DGAT1: variants seen among roughly 807,000 people sequenced by gnomAD.
The protein encoded by DGAT1 is ACAT related gene product 1.
In DGAT1, 60 loss-of-function variants were observed where a neutral mutation model predicts 72.6. The ratio of observed to expected loss-of-function variants is 0.83; its 90% CI spans 0.67 to 1.02. DGAT1 has a LOEUF of 1.02. DGAT1 is among the 50% of genes least tolerant of loss of function. DGAT1 has a pLI of 0.00. For synonymous variants in DGAT1, 290 were observed against 267.5 expected (o/e 1.08, Z -0.82); for missense variants, 592 against 670.0 (o/e 0.88, Z 1.29).
Position 144,317,950 on chromosome 8 carries a change from G to C in DGAT1, c.819C>G (p.Ile273Met), listed in dbSNP as rs146155230. ...YELNFPRSPR[I>M]RKRFLLRRIL... ...TCCGTCGCAGCAGAAAGCGCTTCCG[G>C]ATGCGGGGAGAGCGGGGAAAGTTGA... Residue 273 changes from isoleucine to methionine, a missense_variant, in exon 9 of 17, where the codon ATC becomes ATG. By Grantham distance (10) the Ile-to-Met change is conservative. Coordinates refer to ENST00000528718, the MANE Select transcript of DGAT1 (RefSeq NM_012079.6). 7.4e-5 allele frequency: 112 copies of C among 1,519,378 alleles called. No individual in the cohort carries two copies. Among genetic ancestry groups the C allele is most frequent in the Non-Finnish European group, 9.8e-5 (111 of 1,135,882 alleles). 94.1% of individuals were successfully genotyped at this position (1,519,378 alleles called of 1,614,324 possible). A position where few individuals can be genotyped will look rare whatever the true frequency, so the allele number is the denominator to read the frequency against.
At chr8:144,317,878 T>G in intron 9 of DGAT1, 36 bp downstream of exon 9, 1 of 1,564,680 alleles carries the variant, frequency 6.4e-7, no homozygotes, top group Non-Finnish European at 8.7e-7. Context: ...GAAGGCCCCC[T>G]AGCCTCCAGT....
Position 144,326,579 on chromosome 8 carries a change from C to T in DGAT1, c.58G>A (p.Gly20Ser). 1.6e-6 allele frequency: 2 copies of T among 1,246,594 alleles called. No homozygotes were observed. Among genetic ancestry groups the T allele is most frequent in the Admixed American group, 4.2e-5 (1 of 23,848 alleles). 77.2% of individuals were successfully genotyped at this position (1,246,594 alleles called of 1,614,324 possible). A position where few individuals can be genotyped will look rare whatever the true frequency, so the allele number is the denominator to read the frequency against. ...RRTGSRPSSH[G>S]GGGPAAAEEE... ...TCCGCCGCCGCAGGCCCGCCGCCGC[C>T]GTGGCTCGAGGGCCGCGACCCTGTC... is the stretch of plus-strand genomic sequence containing the variant. The change falls in exon 1 of 17, where the codon GGC (glycine) becomes AGC (serine). Residue 20 changes from glycine (G) to serine (S), a missense_variant. Coordinates refer to ENST00000528718, the MANE Select transcript of DGAT1 (RefSeq NM_012079.6).
chr8:144,319,869 G>A lies in DGAT1; in HGVS notation c.289-801C>T, dbSNP rs1258443753. Among the ~76,000 whole-genome samples the A allele has an allele frequency of 2.6e-5, 4 of 152,312 alleles. No homozygotes were observed. In the East Asian group the frequency reaches 5.8e-4, roughly 22 times the overall value. ...AGACCTGGCTGACCACCCGGAGCTC[G>A]GGCCTCATGCGGTAGTGAACTGGTG... is the stretch of plus-strand genomic sequence containing the variant. On this transcript the variant is annotated intron_variant, in intron 2 of 16. Transcript: ENST00000528718.
chr8:144,323,495 G>A (rs782607516), intron 1 of DGAT1, among the ~76,000 whole-genome samples: 1 of 152,126 alleles, frequency 6.6e-6, no homozygotes, highest in Admixed American at 6.6e-5. Flanking sequence ...CAGTCAGTGC[G>A]GCCAGCAGCA....
At chr8:144,324,535 G>A (rs1817545522) in intron 1 of DGAT1, among the ~76,000 whole-genome samples, 1 of 152,138 alleles carries the variant, frequency 6.6e-6, no homozygotes, top group Non-Finnish European at 1.5e-5. Flanking sequence ...TCAGCCTCCA[G>A]CCCCATGAAG....
Position 144,318,366 on chromosome 8 carries a change from C to T in DGAT1, c.575-4G>A. On this transcript the variant is annotated splice_region_variant and splice_polypyrimidine_tract_variant and intron_variant, in intron 6 of 16. Coordinates refer to ENST00000528718, the MANE Select transcript of DGAT1 (RefSeq NM_012079.6). The stretch of plus-strand genomic sequence containing the variant: ...ATCAGCGCCAGCAGGGAGCCCACTG[C>T]AGGAGAGGTGGACTCAGGCCTCCAC... 1 of 1,610,482 alleles carries T rather than the reference C, an allele frequency of 6.2e-7. No homozygotes were observed. The highest frequency in any genetic ancestry group is 8.5e-7 in the Non-Finnish European group (1 of 1,178,422).
chr8:144,324,144 C>T (rs1321784506), intron 1 of DGAT1, among the ~76,000 whole-genome samples: 1 of 152,226 alleles, frequency 6.6e-6, no homozygotes, highest in African/African-American at 2.4e-5. Flanking sequence ...GGTGCCCTCT[C>T]CTGCCTGCCT....
chr8:144,318,594 A>G, intron 5 of DGAT1, 28 bp from the exon 6 acceptor site: 1 of 1,608,446 alleles, frequency 6.2e-7, no homozygotes, highest in East Asian at 2.2e-5. Context: ...GCACTCAACC[A>G]GGGCTCCCAT....
In DGAT1 at chr8:144,319,036, G is replaced by A. The variant is rs1554847802; in HGVS notation, c.321C>T (p.Asn107=). The A allele has an allele frequency of 2.6e-6, 4 of 1,558,614 alleles. No homozygotes were observed. Among genetic ancestry groups the A allele is most frequent in the African/African-American group, 1.4e-5 (1 of 73,466 alleles). ...CTGGCAAAGGCACTCACTTGATGAG[G>A]TTCTCCAGAAATAACCGGGCATTGC... ...ILSNARLFLE[N]LIKYGILVDP... The change falls in exon 3 of 17, where the codon AAC becomes AAT. Residue 107 remains asparagine (N), a synonymous_variant. Coordinates refer to ENST00000528718, the MANE Select transcript of DGAT1 (RefSeq NM_012079.6).
chr8:144,317,241 G>A lies in DGAT1; in HGVS notation c.1106C>T (p.Ser369Phe). ...EFYRDWWNSE[S>F]VTYFWQNWNI... ...CCAGTTCTGCCAGAAGTAGGTGACA[G>A]ACTCGGAGTTCCTGGGGGCCAAGAG... The change falls in exon 14 of 17, where the codon TCT becomes TTT. Residue 369 changes from serine (S) to phenylalanine (F), a missense_variant. Coordinates refer to ENST00000528718, the MANE Select transcript of DGAT1 (RefSeq NM_012079.6). 6.2e-7 allele frequency: 1 copy of A among 1,610,842 alleles called. No homozygotes were observed. The highest frequency in any genetic ancestry group is 8.5e-7 in the Non-Finnish European group (1 of 1,177,798).
Position 144,315,595 on chromosome 8 carries a change from C to CA in DGAT1, c.*958dup. The CA allele has an allele frequency of 1.0e-6, 1 of 985,662 alleles. No homozygotes were observed. The highest frequency in any genetic ancestry group is 1.2e-6 in the Non-Finnish European group (1 of 830,090). 61.1% of individuals were successfully genotyped at this position (985,662 alleles called of 1,614,324 possible). ...GTTACCCCTGACCTCCCGCTACCATCAAGGGGGGCCCCATCTATCCAGCTT... is the reference window on the plus strand; with the variant it reads ...GTTACCCCTGACCTCCCGCTACCATCAAAGGGGGGCCCCATCTATCCAGCTT... On this transcript the variant is annotated 3_prime_UTR_variant, in exon 17 of 17. Coordinates refer to ENST00000528718, the MANE Select transcript of DGAT1 (RefSeq NM_012079.6).
intron 1 of DGAT1, among the ~76,000 whole-genome samples, chr8:144,325,883 C>G (rs1300821579): frequency 6.6e-6 from 1 of 152,188 alleles, no homozygotes; most frequent in Non-Finnish European, 1.5e-5. Context: ...CACGCAGCCA[C>G]TCTCAGAAGG....
chr8:144,315,113 G>A lies in DGAT1; in HGVS notation c.*1441C>T, dbSNP rs1482282771. 2 of 985,540 alleles carry A rather than the reference G, an allele frequency of 2.0e-6. No individual in the cohort carries two copies. Among genetic ancestry groups the A allele is most frequent in the Non-Finnish European group, 1.2e-6 (1 of 829,976 alleles). 61.0% of individuals were successfully genotyped at this position (985,540 alleles called of 1,614,324 possible). On this transcript the variant is annotated 3_prime_UTR_variant, in exon 17 of 17. Transcript: ENST00000528718. ...TCTCCACTCAGCCTGGTGGAGGAAG[G>A]GAAGGGGGCCTGCGCTGGGCAGTGG...
At chr8:144,317,850 TGAGGCC>T in intron 9 of DGAT1, 28 bp from the exon 10 acceptor site, 5 of 1,603,742 alleles carry the variant, frequency 3.1e-6, no homozygotes, top group Non-Finnish European at 4.3e-6. Context: ...AGCAGCCAGC[TGAGGCC>T]CTGGCTAGCC....
chr8:144,319,128 C>G lies in DGAT1; in HGVS notation c.289-60G>C, dbSNP rs1487056346. On this transcript the variant is annotated intron_variant, in intron 2 of 16. Transcript: ENST00000528718. Reference sequence around the variant, plus strand: ...AGTCCTGGCCACAGGGTACTCACCCCAGATCCTCCCAACACCTCTGGGCAC... The same window carrying G: ...AGTCCTGGCCACAGGGTACTCACCCGAGATCCTCCCAACACCTCTGGGCAC... The G allele has an allele frequency of 8.4e-6, 13 of 1,540,382 alleles. No homozygotes were observed. The African/African-American group carries it at 1.6e-4, about 19-fold the overall frequency.
intron 6 of DGAT1, 45 bp downstream of exon 6, chr8:144,318,416 C>A (rs70961710): frequency 1.3e-6 from 2 of 1,561,784 alleles, no homozygotes; most frequent in Non-Finnish European, 1.7e-6. Context: ...AGGCCATGCC[C>A]GTGGCTGGCC....
At chr8:144,318,655 A>G in intron 5 of DGAT1, 44 bp downstream of exon 5, 5 of 1,606,908 alleles carry the variant, frequency 3.1e-6, no homozygotes, top group Non-Finnish European at 4.2e-6. Flanking sequence ...CCAGGAGCGC[A>G]CACAGCAGGG....
chr8:144,318,254 C>T lies in DGAT1; in HGVS notation c.676+7G>A. On this transcript the variant is annotated splice_region_variant and intron_variant, in intron 7 of 16. Coordinates refer to ENST00000528718, the MANE Select transcript of DGAT1 (RefSeq NM_012079.6). ...GCAGGCAGCCCCAGCCCCTGGCAGC[C>T]CCTCACCAGCCTTGGCCCTGGCCCT... The T allele has an allele frequency of 6.2e-7, 1 of 1,612,424 alleles. No individual in the cohort carries two copies. Among genetic ancestry groups the T allele is most frequent in the Non-Finnish European group, 8.5e-7 (1 of 1,179,706 alleles).
Position 144,326,736 on chromosome 8 carries a change from A to C in DGAT1, c.-100T>G. The C allele has an allele frequency of 1.0e-6, 1 of 990,796 alleles. No individual in the cohort carries two copies. The allele number at this position is 990,796 out of a possible 1,614,324, so 61.4% of individuals were successfully genotyped here. On this transcript the variant is annotated 5_prime_UTR_variant, in exon 1 of 17. Transcript: ENST00000528718. ...CTCCGGGCCCTAGACAACGGCCGCCACTGCCCCCTGCCGGCCGCCGTAGCC... is the reference window on the plus strand; with the variant it reads ...CTCCGGGCCCTAGACAACGGCCGCCCCTGCCCCCTGCCGGCCGCCGTAGCC...
Sources: gnomAD v4.1 joint callset for allele counts (sites outside exome capture counted in the v4.1 genomes callset) on GRCh38, gnomAD v4.1.1 for gene constraint, MANE v1.5 for transcripts, NCBI Gene and HGNC (gene_info 2026-07-23, HGNC 2026-07-21) for gene names.